Variants in SWAP70 observed in about 807,000 individuals in gnomAD.
The protein encoded by SWAP70 is switching B cell complex subunit SWAP70.
Under a neutral mutation model 80.2 loss-of-function variants are expected in SWAP70, and 34 were observed. The observed-to-expected ratio is 0.42, with a 90% CI of 0.32 to 0.56. SWAP70 has a LOEUF of 0.56. Among genes scored for constraint, SWAP70 ranks in the 20% least tolerant of loss-of-function variants. SWAP70 has a pLI of 0.09. For synonymous variants in SWAP70, 239 were observed against 238.5 expected (o/e 1.00, Z -0.02); for missense variants, 578 against 690.7 (o/e 0.84, Z 1.83).
intron 1 of SWAP70, among the ~76,000 whole-genome samples, chr11:9,674,933 C>T (rs532355071): frequency 1.5e-4 from 22 of 151,370 alleles, no homozygotes; most frequent in African/African-American, 4.9e-4. Context: ...TATGCCACTG[C>T]CCTCCAGCCT....
intron 7 of SWAP70, among the ~76,000 whole-genome samples, chr11:9,736,218 T>C (rs908117977): frequency 7.9e-5 from 12 of 152,176 alleles, no homozygotes; most frequent in Non-Finnish European, 1.6e-4. Context: ...TTTATATCTC[T>C]TTATTATTCT....
Position 9,752,683 on chromosome 11 carries a change from T to C in SWAP70, c.*2713T>C, listed in dbSNP as rs1851606358. 6.6e-6 allele frequency: 1 copy of C among 152,240 alleles called. No homozygotes were observed. 9.4% of individuals were successfully genotyped at this position (152,240 alleles called of 1,614,324 possible). On this transcript the variant is annotated 3_prime_UTR_variant, in exon 12 of 12. Coordinates refer to ENST00000318950, the MANE Select transcript of SWAP70 (RefSeq NM_015055.4). ...AATTTCAAGAGTGTTTGAGTGCTTG[T>C]CATCAGGTGTTTTCCTTAATAAGTA...
At chr11:9,721,188 T>C (rs967011431) in intron 3 of SWAP70, among the ~76,000 whole-genome samples, 66 of 152,152 alleles carry the variant, frequency 4.3e-4, no homozygotes, top group Non-Finnish European at 1.6e-4. Flanking sequence ...CTTTTCCCTT[T>C]TTCTTAACAT....
At chr11:9,691,393 G>A (rs1237330642) in intron 1 of SWAP70, among the ~76,000 whole-genome samples, 1 of 152,196 alleles carries the variant, frequency 6.6e-6, no homozygotes, top group Non-Finnish European at 1.5e-5. Flanking sequence ...ACATTGGAGC[G>A]CAGGTCTCTT....
intron 2 of SWAP70, among the ~76,000 whole-genome samples, chr11:9,701,197 G>A (rs1329018782): frequency 6.7e-6 from 1 of 148,842 alleles, no homozygotes; most frequent in Non-Finnish European, 1.5e-5. Flanking sequence ...TTTGAGACAA[G>A]TCTTACTCTT....
chr11:9,691,723 C>T (rs1313552808), intron 1 of SWAP70, among the ~76,000 whole-genome samples: 2 of 152,104 alleles, frequency 1.3e-5, no homozygotes, highest in African/African-American at 4.8e-5. Flanking sequence ...TCAAGAAAAA[C>T]AAATTTAATA....
chr11:9,704,482 C>G (rs1285020869), intron 2 of SWAP70, among the ~76,000 whole-genome samples: 1 of 152,066 alleles, frequency 6.6e-6, no homozygotes, highest in East Asian at 1.9e-4. Context: ...GCAACCTCCA[C>G]CTCCCGGGTT....
At chr11:9,679,123 G>A (rs1254612628) in intron 1 of SWAP70, among the ~76,000 whole-genome samples, 1 of 152,166 alleles carries the variant, frequency 6.6e-6, no homozygotes, top group Admixed American at 6.6e-5. Flanking sequence ...AGGAGATCTT[G>A]CGGTTAAGGA....
chr11:9,675,496 A>G (rs997104647), intron 1 of SWAP70, among the ~76,000 whole-genome samples: 6 of 151,892 alleles, frequency 4.0e-5, no homozygotes, highest in East Asian at 1.9e-4. Flanking sequence ...ATAAACTACA[A>G]TAGAAACAGA....
intron 9 of SWAP70, chr11:9,740,726 G>T (rs914660200): frequency 3.8e-6 from 1 of 263,626 alleles, no homozygotes; most frequent in Non-Finnish European, 7.3e-6. Context: ...GCAGAGGCCT[G>T]TTCAGGCCAA....
rs189230198 is a variant in SWAP70, at chr11:9,667,638, A to G, written c.99+3360A>G. ...AATGCGGTGGCGCGATCATGGCTCA[A>G]TGCAGCCTCAACCTCCTGGGCTCAA... On this transcript the variant is annotated intron_variant, in intron 1 of 11. Coordinates refer to ENST00000318950, the MANE Select transcript of SWAP70 (RefSeq NM_015055.4). Among the ~76,000 whole-genome samples, 455 of 151,644 alleles carry G rather than the reference A, an allele frequency of 3.0e-3. 1 individual carries two copies. Among genetic ancestry groups the G allele is most frequent in the Non-Finnish European group, 4.3e-3 (291 of 67,812 alleles).
At chr11:9,688,950 T>TGG (rs34966354) in intron 1 of SWAP70, among the ~76,000 whole-genome samples, 25,884 of 152,158 alleles carry the variant, frequency 0.17, 2,853 homozygotes, top group Non-Finnish European at 0.24. Flanking sequence ...AAGAATTTTC[T>TGG]GGTAATTTGC....
rs557237507 is a variant in SWAP70 at position 9,704,470 on chromosome 11, C to G, written c.241-8996C>G. On this transcript the variant is annotated intron_variant, in intron 2 of 11. Transcript: ENST00000318950. ...AGTGCAATGGTATAATCTCAGCTCACTGCAACCTCCACCTCCCGGGTTCAA... is the reference window on the plus strand; with the variant it reads ...AGTGCAATGGTATAATCTCAGCTCAGTGCAACCTCCACCTCCCGGGTTCAA... Among the ~76,000 whole-genome samples the G allele has an allele frequency of 5.3e-5, 8 of 152,154 alleles. 1 individual carries two copies. The South Asian group carries it at 1.7e-3, about 32-fold the overall frequency.
intron 1 of SWAP70, among the ~76,000 whole-genome samples, chr11:9,671,301 T>C (rs1348484435): frequency 1.0e-5 from 1 of 99,194 alleles, no homozygotes; most frequent in Non-Finnish European, 1.8e-5. Flanking sequence ...ATATATAAAA[T>C]ATATTTATAA....
At chr11:9,693,293 A>G (rs1486132221) in intron 1 of SWAP70, among the ~76,000 whole-genome samples, 3 of 152,226 alleles carry the variant, frequency 2.0e-5, no homozygotes, top group Non-Finnish European at 4.4e-5. Context: ...TGAAATTTTC[A>G]TTTAATGTAA....
chr11:9,711,930 A>C (rs1851004018), intron 2 of SWAP70, among the ~76,000 whole-genome samples: 1 of 152,184 alleles, frequency 6.6e-6, no homozygotes, highest in South Asian at 2.1e-4. Context: ...TTCACATTAA[A>C]TACTCACAGT....
At chr11:9,727,970 G>A (rs2133807567) in intron 4 of SWAP70, 83 bp from the exon 5 acceptor site, 1 of 1,280,356 alleles carries the variant, frequency 7.8e-7, no homozygotes, top group South Asian at 1.6e-5. Flanking sequence ...TCAAATAATG[G>A]AGTAGGCAAG....
At chr11:9,729,849 C>T (rs1851274253) in intron 6 of SWAP70, among the ~76,000 whole-genome samples, 1 of 152,174 alleles carries the variant, frequency 6.6e-6, no homozygotes, top group Non-Finnish European at 1.5e-5. Context: ...GTTACTTCCT[C>T]ATTGTAGTTA....
intron 1 of SWAP70, among the ~76,000 whole-genome samples, chr11:9,687,319 A>G (rs1850645013): frequency 6.6e-6 from 1 of 152,204 alleles, no homozygotes; most frequent in Non-Finnish European, 1.5e-5. Flanking sequence ...AACAAACAAC[A>G]TTATGCCTTA....
Sources: allele counts gnomAD v4.1 joint callset (sites outside exome capture counted in the v4.1 genomes callset), GRCh38; gene constraint gnomAD v4.1.1; transcripts MANE v1.5; gene names NCBI Gene and HGNC (gene_info 2026-07-23, HGNC 2026-07-21).